Variants in CLNK observed in about 807,000 individuals in gnomAD.
CLNK encodes the protein cytokine-dependent hematopoietic cell linker.
Under a neutral mutation model 68.6 loss-of-function variants are expected in CLNK, and 74 were observed. The observed-to-expected ratio is 1.08, with a 90% CI of 0.89 to 1.31. The LOEUF is 1.31. Among genes scored for constraint, CLNK ranks in the 50% most tolerant of loss-of-function variants. The pLI, the probability that CLNK is intolerant of heterozygous loss-of-function variation, is 0.00. For synonymous variants in CLNK, 198 were observed against 172.2 expected (o/e 1.15, Z -1.17); for missense variants, 553 against 515.3 (o/e 1.07, Z -0.71).
intron 3 of CLNK, among the ~76,000 whole-genome samples, chr4:10,590,512 C>T (rs1016092752): frequency 5.3e-5 from 8 of 152,098 alleles, no homozygotes; most frequent in South Asian, 2.1e-4. Flanking sequence ...CCCCAGGCAC[C>T]GACTGTTAGT....
chr4:10,702,802 A>C, the CLNK span, among the ~76,000 whole-genome samples: 31 of 152,186 alleles, frequency 2.0e-4, no homozygotes, highest in Non-Finnish European at 4.4e-4. Context: ...TGGAACTTGC[A>C]AGTGCTTATT....
At chr4:10,695,028 G>T in the CLNK span, among the ~76,000 whole-genome samples, 2 of 152,304 alleles carry the variant, frequency 1.3e-5, no homozygotes, top group African/African-American at 4.8e-5. Flanking sequence ...CAGAGGCCTG[G>T]CAGGGATGGA....
intron 16 of CLNK, among the ~76,000 whole-genome samples, chr4:10,509,826 A>C (rs1315411495): frequency 6.6e-6 from 1 of 152,058 alleles, no homozygotes; most frequent in Non-Finnish European, 1.5e-5. Context: ...GCACCTGGCC[A>C]AAAAGTCACC....
chr4:10,723,918 G>GAGAGAGAGAGA, the CLNK span, among the ~76,000 whole-genome samples: 2 of 146,724 alleles, frequency 1.4e-5, no homozygotes, highest in African/African-American at 5.2e-5. Context: ...GAGAGAGAGA[G>GAGAGAGAGAGA]AAGGCAGGGC....
intron 2 of CLNK, among the ~76,000 whole-genome samples, chr4:10,664,301 T>C (rs775277179): frequency 2.0e-5 from 3 of 152,226 alleles, no homozygotes; most frequent in African/African-American, 7.2e-5. Flanking sequence ...AAATTGTTTT[T>C]GTTTAAAGCC....
chr4:10,724,519 G>A, the CLNK span, among the ~76,000 whole-genome samples: 1 of 148,612 alleles, frequency 6.7e-6, no homozygotes, highest in East Asian at 2.0e-4. Flanking sequence ...TGTAAGTCCA[G>A]TGAGGGCAGA....
At chr4:10,663,633 T>C (rs904489393) in intron 2 of CLNK, among the ~76,000 whole-genome samples, 2 of 152,228 alleles carry the variant, frequency 1.3e-5, no homozygotes, top group African/African-American at 4.8e-5. Context: ...TAGGTTCACA[T>C]ACACATGTAC....
chr4:10,685,894 G>A (rs1415501939), upstream of CLNK, among the ~76,000 whole-genome samples: 2 of 152,148 alleles, frequency 1.3e-5, no homozygotes, highest in Non-Finnish European at 2.9e-5. Flanking sequence ...GCTGCATTAG[G>A]GGCTTAAAGC....
intron 8 of CLNK, among the ~76,000 whole-genome samples, chr4:10,548,788 T>G (rs1396015513): frequency 6.6e-6 from 1 of 152,216 alleles, no homozygotes; most frequent in African/African-American, 2.4e-5. Context: ...CCATCTTGTC[T>G]CCATTGTGTA....
At chr4:10,565,956 T>C in intron 6 of CLNK, 53 bp downstream of exon 6, 2 of 1,581,476 alleles carry the variant, frequency 1.3e-6, no homozygotes, top group Non-Finnish European at 1.7e-6. Context: ...TAGTGTGCAA[T>C]ATGGTGGCAT....
the CLNK span, among the ~76,000 whole-genome samples, chr4:10,694,106 C>G: frequency 6.6e-6 from 1 of 151,870 alleles, no homozygotes; most frequent in African/African-American, 2.4e-5. Flanking sequence ...TAGGCCCTGT[C>G]CCTAAATCAC....
rs144223574 is a variant in CLNK at position 10,665,159 on chromosome 4, G to A, written c.11+2700C>T. Among the ~76,000 whole-genome samples, 395 of 152,322 alleles carry A rather than the reference G, an allele frequency of 2.6e-3. 1 individual carries two copies. Among genetic ancestry groups the A allele is most frequent in the Non-Finnish European group, 4.5e-3 (304 of 68,038 alleles). On this transcript the variant is annotated intron_variant, in intron 2 of 18. Transcript: ENST00000226951. ...AAGCTAACATTTGTGAAATGGTGAC[G>A]GTTTGGCTGTCCTCTGGCCTACGCA...
chr4:10,559,704 C>T (rs55878273), intron 7 of CLNK, among the ~76,000 whole-genome samples: 23,527 of 152,024 alleles, frequency 0.15, 1,897 homozygotes, highest in Middle Eastern at 0.18. Context: ...CAGGATTCCC[C>T]GGCCCAGGAA....
At chr4:10,522,859 T>A (rs1718137854) in intron 14 of CLNK, among the ~76,000 whole-genome samples, 1 of 152,150 alleles carries the variant, frequency 6.6e-6, no homozygotes, top group South Asian at 2.1e-4. Context: ...AAAGGCTCTG[T>A]GGGAGAAAGA....
the CLNK span, among the ~76,000 whole-genome samples, chr4:10,709,416 G>T: frequency 2.0e-5 from 3 of 152,164 alleles, no homozygotes; most frequent in Admixed American, 6.6e-5. Flanking sequence ...TGAACGAGGA[G>T]ACAAAGTCTC....
chr4:10,515,448 A>AT (rs35323799), intron 15 of CLNK, among the ~76,000 whole-genome samples: 5,240 of 143,228 alleles, frequency 0.037, 95 homozygotes, highest in Non-Finnish European at 0.045. Context: ...TGGAAACACC[A>AT]TTTTTTTTTT....
chr4:10,617,389 G>GGATT (rs1248657054), intron 2 of CLNK, among the ~76,000 whole-genome samples: 1 of 152,094 alleles, frequency 6.6e-6, no homozygotes, highest in Non-Finnish European at 1.5e-5. Context: ...TTTGTTAATA[G>GGATT]GATTGATGTG....
intron 2 of CLNK, among the ~76,000 whole-genome samples, chr4:10,643,295 C>T (rs1170152964): frequency 1.3e-5 from 2 of 152,196 alleles, no homozygotes; most frequent in Non-Finnish European, 2.9e-5. Context: ...TAATCAATTG[C>T]TCTAGCAATA....
chr4:10,489,318 A>G lies in CLNK; in HGVS notation c.*1149T>C, dbSNP rs1239038094. On this transcript the variant is annotated 3_prime_UTR_variant, in exon 19 of 19. Transcript: ENST00000226951. ...TGGCCTGTGCAACGTTACTGCAAGAATTAGCACTAATTTGAGGACAGTTTT... is the reference window on the plus strand; with the variant it reads ...TGGCCTGTGCAACGTTACTGCAAGAGTTAGCACTAATTTGAGGACAGTTTT... 1 of 152,218 alleles carries G rather than the reference A, an allele frequency of 6.6e-6. No individual in the cohort carries two copies. Among genetic ancestry groups the G allele is most frequent in the East Asian group, 1.9e-4 (1 of 5,196 alleles). The allele number at this position is 152,218 out of a possible 1,614,324, so 9.4% of individuals were successfully genotyped here.
Sources: allele counts gnomAD v4.1 joint callset (sites outside exome capture counted in the v4.1 genomes callset), GRCh38; gene constraint gnomAD v4.1.1; transcripts MANE v1.5; gene names NCBI Gene and HGNC (gene_info 2026-07-23, HGNC 2026-07-21).